Variants in MGLL observed in about 807,000 individuals in gnomAD.
MGLL encodes the protein lysophospholipase homolog.
Under a neutral mutation model 29.1 loss-of-function variants are expected in MGLL, and 7 were observed. That is an observed-to-expected ratio of 0.24 (90% confidence interval 0.14 to 0.45). MGLL has a LOEUF of 0.45. Ranked by LOEUF, MGLL falls within the 20% of genes least tolerant of loss-of-function variation. The pLI is 0.99. For synonymous variants in MGLL, 148 were observed against 168.3 expected, an observed-to-expected ratio of 0.88 and a Z score of 0.93; for missense variants, 356 against 413.6, an observed-to-expected ratio of 0.86 and a Z score of 1.21.
chr3:127,801,810 A>G (rs1322149461), intron 2 of MGLL, among the ~76,000 whole-genome samples: 1 of 148,018 alleles, frequency 6.8e-6, no homozygotes, highest in Non-Finnish European at 1.5e-5. Context: ...ATATTTTATA[A>G]TATAAAATAT....
chr3:127,773,490 G>C (rs1485052199), intron 3 of MGLL, among the ~76,000 whole-genome samples: 1 of 152,230 alleles, frequency 6.6e-6, no homozygotes, highest in African/African-American at 2.4e-5. Context: ...GTCTTCTTAG[G>C]ACAGGCCCTG....
At chr3:127,788,579 C>T (rs1336360887) in intron 2 of MGLL, among the ~76,000 whole-genome samples, 1 of 152,196 alleles carries the variant, frequency 6.6e-6, no homozygotes, top group South Asian at 2.1e-4. Context: ...CCCTGTACTG[C>T]AACCACAGGG....
chr3:127,793,643 C>A (rs1321239765), intron 2 of MGLL, among the ~76,000 whole-genome samples: 4 of 152,188 alleles, frequency 2.6e-5, no homozygotes, highest in African/African-American at 4.8e-5. Context: ...CTCACTGCAA[C>A]CTCCGCCTCC....
At chr3:127,817,458 T>G (rs2077777521) in intron 2 of MGLL, among the ~76,000 whole-genome samples, 2 of 152,200 alleles carry the variant, frequency 1.3e-5, no homozygotes, top group African/African-American at 4.8e-5. Flanking sequence ...CATGAGCCGG[T>G]GGATGGACTA....
intron 3 of MGLL, among the ~76,000 whole-genome samples, chr3:127,775,758 A>T (rs890657080): frequency 2.0e-5 from 3 of 152,220 alleles, no homozygotes; most frequent in Non-Finnish European, 2.9e-5. Flanking sequence ...TTAGGAAGTC[A>T]GGAGGCTGCT....
intron 3 of MGLL, among the ~76,000 whole-genome samples, chr3:127,738,369 T>C (rs1217644656): frequency 6.6e-6 from 1 of 152,054 alleles, no homozygotes; most frequent in Non-Finnish European, 1.5e-5. Context: ...ATCTTTCTTG[T>C]TGATTCCTCC....
chr3:127,705,995 T>C (rs1464867020), intron 6 of MGLL, among the ~76,000 whole-genome samples: 1 of 152,020 alleles, frequency 6.6e-6, no homozygotes, highest in Non-Finnish European at 1.5e-5. Flanking sequence ...GCACTGTTGG[T>C]GAGAATGTGA....
chr3:127,716,601 T>C (rs1214902482), intron 5 of MGLL, among the ~76,000 whole-genome samples: 2 of 152,236 alleles, frequency 1.3e-5, no homozygotes, highest in African/African-American at 4.8e-5. Flanking sequence ...CGCCTGTCAC[T>C]TTAAATACTA....
chr3:127,822,171 A>T, intron 1 of MGLL, 138 bp downstream of exon 1: 2 of 952,868 alleles, frequency 2.1e-6, no homozygotes, highest in Non-Finnish European at 3.3e-6. Flanking sequence ...AGTCAGCTCT[A>T]TGGGTACAAA....
intron 3 of MGLL, among the ~76,000 whole-genome samples, chr3:127,766,115 A>C (rs1465429876): frequency 6.6e-6 from 1 of 152,154 alleles, no homozygotes; most frequent in African/African-American, 2.4e-5. Flanking sequence ...TCCTATGAAG[A>C]TATTTCCCCA....
chr3:127,714,309 A>C (rs967864796), intron 5 of MGLL, among the ~76,000 whole-genome samples: 8 of 152,124 alleles, frequency 5.3e-5, no homozygotes, highest in African/African-American at 1.9e-4. Context: ...ATGTGGGGAG[A>C]GCACATCCTG....
chr3:127,749,227 CTTCTA>C (rs1477721922), intron 3 of MGLL, among the ~76,000 whole-genome samples: 1 of 152,226 alleles, frequency 6.6e-6, no homozygotes, highest in Admixed American at 6.5e-5. Context: ...ATTCTCAACT[CTTCTA>C]TTTATTTATT....
rs138789386 is a variant in MGLL at position 127,736,170 on chromosome 3, A to T, written c.263-13604T>A. The T allele has an allele frequency of 4.6e-5, 48 of 1,049,350 alleles. No individual in the cohort carries two copies. The East Asian group carries it at 3.2e-3, about 71-fold the overall frequency. 65.0% of individuals were successfully genotyped at this position (1,049,350 alleles called of 1,614,324 possible). A position where few individuals can be genotyped will look rare whatever the true frequency, so the allele number is the denominator to read the frequency against. On this transcript the variant is annotated intron_variant, in intron 3 of 7. Transcript: ENST00000265052. The stretch of plus-strand genomic sequence containing the variant: ...ACAGACACCTGGCAACCCAAGTTTC[A>T]CTTCTGCTGAAATTATTGTTAAGTA...
chr3:127,698,146 C>A (rs1182692977), intron 6 of MGLL, among the ~76,000 whole-genome samples: 1 of 152,160 alleles, frequency 6.6e-6, no homozygotes, highest in Non-Finnish European at 1.5e-5. Flanking sequence ...GGGCCTGGGG[C>A]CCAGCCACCA....
chr3:127,735,871 C>A (rs1450957540), intron 3 of MGLL: 1 of 1,583,360 alleles, frequency 6.3e-7, no homozygotes, highest in African/African-American at 1.3e-5. Flanking sequence ...CTCCCACTTA[C>A]AAGGATTTTC....
chr3:127,702,335 T>C (rs2075507684), intron 6 of MGLL, among the ~76,000 whole-genome samples: 1 of 152,150 alleles, frequency 6.6e-6, no homozygotes. Flanking sequence ...AGAGGGGAGA[T>C]AGGCCCTGCC....
At position 127,722,544 on chromosome 3, in the gene MGLL, C is replaced by G. The variant is rs1262699217; in HGVS notation, c.285G>C (p.Gly95=). 1 of 1,614,212 alleles carries G rather than the reference C, an allele frequency of 6.2e-7. No homozygotes were observed. The highest frequency in any genetic ancestry group is 1.7e-5 in the Admixed American group (1 of 60,026). Residue 95 remains glycine, a synonymous_variant, in exon 4 of 8, where the codon GGG becomes GGC. Coordinates refer to ENST00000265052, the MANE Select transcript of MGLL (RefSeq NM_007283.7). ...GGAAGTCAGACACTACCATCCTCTC[C>G]CCTTCGCTCTGTCCGTGGCCAACTG... The part of the protein sequence containing the change: ...HDHVGHGQSE[G]ERMVVSDFHV...
chr3:127,743,136 AC>A (rs1229269487), intron 3 of MGLL, among the ~76,000 whole-genome samples: 5 of 152,186 alleles, frequency 3.3e-5, no homozygotes, highest in African/African-American at 1.2e-4. Flanking sequence ...TTTCAAATGC[AC>A]CCAAAAGTGA....
At chr3:127,735,734 T>G (rs757727407) in intron 3 of MGLL, 17 of 1,598,028 alleles carry the variant, frequency 1.1e-5, no homozygotes, top group Admixed American at 3.3e-5. Flanking sequence ...CAGCACGTGC[T>G]CGCTCCCCGC....
Sources: allele counts gnomAD v4.1 joint callset (sites outside exome capture counted in the v4.1 genomes callset), GRCh38; gene constraint gnomAD v4.1.1; transcripts MANE v1.5; gene names NCBI Gene and HGNC (gene_info 2026-07-23, HGNC 2026-07-21).